The following DCAF6 variants were observed in gnomAD, a reference collection of about 807,000 sequenced individuals.
DCAF6 encodes DDB1 and CUL4 associated factor 6, also known as DDB1- and CUL4-associated factor 6.
DCAF6 carries 54 observed loss-of-function variants against 125.1 expected under a neutral mutation model. That is an observed-to-expected ratio of 0.43 (90% CI 0.35 to 0.54). The LOEUF (loss-of-function observed/expected upper bound fraction) is 0.54. Ranked by LOEUF, DCAF6 falls within the 20% of genes least tolerant of loss-of-function variation. The probability of loss-of-function intolerance (pLI) is 0.01; values close to 1 mark genes in which losing one functional copy is unlikely to be tolerated. For synonymous variants in DCAF6, 371 were observed against 390.4 expected (o/e 0.95, Z 0.58); for missense variants, 934 against 1,161.7 (o/e 0.80, Z 2.85).
chr1:167,905,138 C>A, the DCAF6 span: 1 of 1,614,146 alleles, frequency 6.2e-7, no homozygotes, highest in Non-Finnish European at 8.5e-7. Flanking sequence ...TTGGAGTGTT[C>A]ATGTTCAAGA....
At chr1:167,942,812 G>T (rs1672455166) in intron 1 of DCAF6, among the ~76,000 whole-genome samples, 1 of 152,052 alleles carries the variant, frequency 6.6e-6, no homozygotes, top group African/African-American at 2.4e-5. Context: ...AAAATCAATT[G>T]ACCATAAATG....
the DCAF6 span, chr1:167,913,941 T>A: frequency 6.6e-6 from 1 of 152,278 alleles, no homozygotes; most frequent in African/African-American, 2.4e-5. Flanking sequence ...AGCTCTGCAA[T>A]CAATCTTTCT....
chr1:167,965,542 G>T (rs1676265579), intron 2 of DCAF6, among the ~76,000 whole-genome samples: 1 of 152,136 alleles, frequency 6.6e-6, no homozygotes, highest in Non-Finnish European at 1.5e-5. Flanking sequence ...GAAATTTATT[G>T]TGAAAATCTG....
chr1:167,866,864 G>A, the DCAF6 span, among the ~76,000 whole-genome samples: 1 of 151,686 alleles, frequency 6.6e-6, no homozygotes, highest in Non-Finnish European at 1.5e-5. Flanking sequence ...AAAACAACTA[G>A]ATGGGGTTTC....
chr1:168,063,551 C>T, intron 17 of DCAF6, 70 bp from the exon 18 acceptor site: 1 of 1,281,574 alleles, frequency 7.8e-7, no homozygotes, highest in Non-Finnish European at 1.0e-6. Context: ...ACTATATTTT[C>T]ATAAGTTTCT....
chr1:168,030,398 T>C (rs764563052), intron 12 of DCAF6, among the ~76,000 whole-genome samples: 2 of 152,312 alleles, frequency 1.3e-5, no homozygotes, highest in Middle Eastern at 3.4e-3. Flanking sequence ...ACAAAGTGAC[T>C]TTTTGGACAT....
At chr1:168,049,371 T>A (rs1349826108) in intron 16 of DCAF6, among the ~76,000 whole-genome samples, 2 of 151,470 alleles carry the variant, frequency 1.3e-5, no homozygotes, top group Non-Finnish European at 2.9e-5. Flanking sequence ...GTCTCCCAAG[T>A]AGCTGGGATT....
chr1:167,972,234 A>G (rs10489203), intron 3 of DCAF6, among the ~76,000 whole-genome samples: 3,431 of 152,346 alleles, frequency 0.023, 64 homozygotes, highest in Middle Eastern at 0.054. Flanking sequence ...CTGCAGTATC[A>G]TACATACCCA....
chr1:167,968,142 G>C (rs767369922), intron 3 of DCAF6, among the ~76,000 whole-genome samples: 3 of 152,144 alleles, frequency 2.0e-5, no homozygotes, highest in African/African-American at 7.2e-5. Flanking sequence ...ATTGGTGATT[G>C]TATCAGTCGG....
At chr1:167,989,139 T>TA (rs1209731324) in intron 5 of DCAF6, among the ~76,000 whole-genome samples, 4 of 152,124 alleles carry the variant, frequency 2.6e-5, no homozygotes, top group Admixed American at 6.5e-5. Context: ...GTTTTTTTGT[T>TA]ACGTATTTGT....
In DCAF6 at chr1:168,024,421, A is replaced by G. The variant is rs537817327; in HGVS notation, c.1609+1374A>G. ...TTGCTGTACTTACTTGGTGTGAAAT[A>G]TATGTAATTTAAACTATATTCTTAG... On this transcript the variant is annotated intron_variant, in intron 12 of 21. Coordinates refer to ENST00000367840, the MANE Select transcript of DCAF6 (RefSeq NM_001198956.2). Among the ~76,000 whole-genome samples the G allele has an allele frequency of 1.4e-4, 21 of 152,356 alleles. No individual in the cohort carries two copies. In the South Asian group the frequency reaches 4.1e-3, roughly 30 times the overall value.
intron 17 of DCAF6, among the ~76,000 whole-genome samples, chr1:168,053,682 A>G (rs1346352687): frequency 6.6e-6 from 1 of 152,142 alleles, no homozygotes; most frequent in Non-Finnish European, 1.5e-5. Flanking sequence ...TTATAACTCA[A>G]AATCCAGGGT....
the DCAF6 span, among the ~76,000 whole-genome samples, chr1:167,877,317 A>G: frequency 6.6e-6 from 1 of 151,302 alleles, no homozygotes; most frequent in South Asian, 2.1e-4. Context: ...CTCACTAAAA[A>G]TTATTATTCA....
intron 21 of DCAF6, among the ~76,000 whole-genome samples, chr1:168,069,457 C>A (rs886341049): frequency 2.0e-5 from 3 of 152,156 alleles, no homozygotes; most frequent in Non-Finnish European, 2.9e-5. Flanking sequence ...ATCGTGCTGT[C>A]CCCTCCCATC....
chr1:167,963,801 AT>A (rs1553213996), intron 2 of DCAF6, among the ~76,000 whole-genome samples: 1 of 151,970 alleles, frequency 6.6e-6, no homozygotes, highest in Non-Finnish European at 1.5e-5. Context: ...AGTTACACCT[AT>A]TTTTTAAACT....
At chr1:167,902,202 CACTTA>C in the DCAF6 span, 1 of 818,068 alleles carries the variant, frequency 1.2e-6, no homozygotes, top group Non-Finnish European at 2.0e-6. Context: ...CCAGACAAGC[CACTTA>C]ACCCATTTGA....
At chr1:168,055,828 C>T in intron 17 of DCAF6, 1 of 1,042,840 alleles carries the variant, frequency 9.6e-7, no homozygotes, top group East Asian at 2.4e-5. Flanking sequence ...TCTAAGTCTT[C>T]TATCCACCAC....
At chr1:167,976,000 T>C (rs907535599) in intron 4 of DCAF6, among the ~76,000 whole-genome samples, 2 of 152,232 alleles carry the variant, frequency 1.3e-5, no homozygotes, top group Admixed American at 6.5e-5. Flanking sequence ...TGTACTTATA[T>C]ATATAGCTAG....
At chr1:167,937,040 G>T in intron 1 of DCAF6, 32 bp downstream of exon 1, 1 of 1,570,382 alleles carries the variant, frequency 6.4e-7, no homozygotes, top group South Asian at 1.1e-5. Flanking sequence ...GAGGCGCTGA[G>T]GTCGCCGCCT....
Sources: gnomAD v4.1 joint callset for allele counts (sites outside exome capture counted in the v4.1 genomes callset) on GRCh38, gnomAD v4.1.1 for gene constraint, MANE v1.5 for transcripts, NCBI Gene and HGNC (gene_info 2026-07-23, HGNC 2026-07-21) for gene names.